Variants in AUH observed in about 807,000 individuals in gnomAD.
AUH encodes the protein AU RNA binding methylglutaconyl-CoA hydratase.
AUH carries 29 observed loss-of-function variants against 42.3 expected under a neutral mutation model. The observed-to-expected ratio is 0.69, with a 90% confidence interval of 0.51 to 0.93. The LOEUF (loss-of-function observed/expected upper bound fraction) is 0.93, where lower values mean the gene tolerates loss of function less well. AUH is among the 40% of genes least tolerant of loss of function. AUH has a pLI of 0.00. For synonymous variants in AUH, 174 were observed against 166.4 expected (o/e 1.05, Z -0.35); for missense variants, 452 against 438.1 (o/e 1.03, Z -0.28).
At chr9:91,285,242 T>C (rs541290896) in intron 6 of AUH, among the ~76,000 whole-genome samples, 46 of 149,114 alleles carry the variant, frequency 3.1e-4, no homozygotes, top group African/African-American at 1.1e-3. Flanking sequence ...TTCTCACTCA[T>C]AGGTGGGAAC....
At chr9:91,334,724 C>T (rs1442142861) in intron 3 of AUH, among the ~76,000 whole-genome samples, 1 of 152,140 alleles carries the variant, frequency 6.6e-6, no homozygotes, top group Non-Finnish European at 1.5e-5. Flanking sequence ...TTTTAAGTTG[C>T]ATTTTTCTCA....
intron 4 of AUH, among the ~76,000 whole-genome samples, chr9:91,301,485 G>T (rs796558669): frequency 5.9e-5 from 9 of 152,284 alleles, no homozygotes; most frequent in African/African-American, 2.2e-4. Context: ...ACGAACGATT[G>T]CCTGTGCCCA....
At chr9:91,272,902 G>A (rs953240724) in intron 6 of AUH, among the ~76,000 whole-genome samples, 3 of 152,196 alleles carry the variant, frequency 2.0e-5, no homozygotes, top group Non-Finnish European at 2.9e-5. Context: ...AGAAATAGGA[G>A]AGCAAAATAC....
intron 6 of AUH, among the ~76,000 whole-genome samples, chr9:91,292,592 T>G (rs546215503): frequency 6.6e-6 from 1 of 151,980 alleles, no homozygotes; most frequent in Non-Finnish European, 1.5e-5. Flanking sequence ...TCTCTTCTTC[T>G]TCCACTTGGG....
chr9:91,249,799 C>G (rs1284517805), intron 6 of AUH, among the ~76,000 whole-genome samples: 2 of 150,334 alleles, frequency 1.3e-5, no homozygotes, highest in Admixed American at 1.3e-4. Context: ...ATCACAAGGT[C>G]AAGAGATCAA....
intron 5 of AUH, among the ~76,000 whole-genome samples, 197 bp from the exon 6 acceptor site, chr9:91,296,274 C>T (rs1827325520): frequency 6.6e-6 from 1 of 151,172 alleles, no homozygotes; most frequent in Non-Finnish European, 1.5e-5. Flanking sequence ...GAGAGTCCCA[C>T]AACATTTTCT....
intron 6 of AUH, among the ~76,000 whole-genome samples, chr9:91,292,273 CTTTTTT>C (rs1017680283): frequency 7.6e-6 from 1 of 130,988 alleles, no homozygotes; most frequent in South Asian, 2.5e-4. Context: ...TGGGAACCCT[CTTTTTT>C]TTTTTTTTTT....
chr9:91,271,727 C>G (rs1191536594), intron 6 of AUH, among the ~76,000 whole-genome samples: 1 of 152,218 alleles, frequency 6.6e-6, no homozygotes, highest in Non-Finnish European at 1.5e-5. Context: ...GTTGCCCAGG[C>G]TGGAGTGCAA....
At chr9:91,361,174 G>A (rs75151741) in intron 1 of AUH, among the ~76,000 whole-genome samples, 6,220 of 152,284 alleles carry the variant, frequency 0.041, 195 homozygotes, top group Non-Finnish European at 0.055. Context: ...AATTGTTCCA[G>A]CTGAGCAGCT....
chr9:91,318,427 A>C (rs1006486273), intron 4 of AUH, among the ~76,000 whole-genome samples: 1 of 152,174 alleles, frequency 6.6e-6, no homozygotes, highest in African/African-American at 2.4e-5. Context: ...AATGTGCTTT[A>C]AAACTCCACT....
intron 6 of AUH, among the ~76,000 whole-genome samples, chr9:91,247,366 C>T (rs1399673403): frequency 1.3e-5 from 2 of 152,086 alleles, no homozygotes; most frequent in Non-Finnish European, 2.9e-5. Context: ...GTCAGTCACA[C>T]TCTTATGCAG....
chr9:91,345,719 G>C (rs1183044837), intron 3 of AUH, among the ~76,000 whole-genome samples: 3 of 151,680 alleles, frequency 2.0e-5, no homozygotes, highest in Non-Finnish European at 4.4e-5. Context: ...TGTAGTCCCA[G>C]CTACTCGGGA....
intron 6 of AUH, among the ~76,000 whole-genome samples, chr9:91,247,506 C>T (rs1828866372): frequency 6.6e-6 from 1 of 152,182 alleles, no homozygotes; most frequent in East Asian, 1.9e-4. Flanking sequence ...CCTCCCTCCT[C>T]CCTGACACAT....
At chr9:91,297,057 G>A (rs771991662) in intron 5 of AUH, among the ~76,000 whole-genome samples, 1 of 152,170 alleles carries the variant, frequency 6.6e-6, no homozygotes, top group South Asian at 2.1e-4. Flanking sequence ...AGAGCCCGAG[G>A]ACACAGGCAG....
At chr9:91,282,352 C>T (rs1163196511) in intron 6 of AUH, among the ~76,000 whole-genome samples, 2 of 151,998 alleles carry the variant, frequency 1.3e-5, no homozygotes, top group Admixed American at 1.3e-4. Context: ...TTTTCTATAG[C>T]ACCTTCCACT....
chr9:91,271,270 G>A (rs1825100448), intron 6 of AUH, among the ~76,000 whole-genome samples: 1 of 152,240 alleles, frequency 6.6e-6, no homozygotes, highest in Non-Finnish European at 1.5e-5. Flanking sequence ...ATAGAAAAGA[G>A]CATGCTTCCA....
chr9:91,271,443 T>C (rs1275213119), intron 6 of AUH, among the ~76,000 whole-genome samples: 1 of 152,258 alleles, frequency 6.6e-6, no homozygotes, highest in East Asian at 1.9e-4. Context: ...GCCATTTCTT[T>C]TTTTTCTGAA....
intron 3 of AUH, among the ~76,000 whole-genome samples, chr9:91,329,848 A>C (rs2131890707): frequency 6.6e-6 from 1 of 152,304 alleles, no homozygotes; most frequent in African/African-American, 2.4e-5. Flanking sequence ...AGAAAAGGGA[A>C]TCTTTATAAT....
chr9:91,332,064 CTAAGTT>C (rs1415157118), intron 3 of AUH, among the ~76,000 whole-genome samples: 13 of 152,308 alleles, frequency 8.5e-5, no homozygotes, highest in African/African-American at 2.6e-4. Context: ...AATTTTTCAT[CTAAGTT>C]TAAGTAGTTT....
Sources: allele counts gnomAD v4.1 joint callset (sites outside exome capture counted in the v4.1 genomes callset), GRCh38; gene constraint gnomAD v4.1.1; transcripts MANE v1.5; gene names NCBI Gene and HGNC (gene_info 2026-07-23, HGNC 2026-07-21).